CPHXL2: variants seen among roughly 807,000 people sequenced by gnomAD.
The protein encoded by CPHXL2 is cytoplasmic polyadenylated homeobox-like protein 2.
the CPHXL2 span, chr16:75,669,668 C>G: frequency 7.6e-6 from 3 of 396,048 alleles, no homozygotes; most frequent in Non-Finnish European, 1.3e-5. Context: ...GAAATCCAGG[C>G]GTGACCTCAT....
At chr16:75,675,706 T>C in the CPHXL2 span, among the ~76,000 whole-genome samples, 1 of 152,136 alleles carries the variant, frequency 6.6e-6, no homozygotes, top group Admixed American at 6.6e-5. Flanking sequence ...GTTTTTATGG[T>C]TGGGCCATTG....
chr16:75,662,403 T>C, the CPHXL2 span, among the ~76,000 whole-genome samples: 1 of 150,400 alleles, frequency 6.6e-6, no homozygotes, highest in East Asian at 2.0e-4. Flanking sequence ...CGACTGCTGG[T>C]GATCAACTTA....
chr16:75,663,828 GT>G, the CPHXL2 span, among the ~76,000 whole-genome samples: 2 of 147,556 alleles, frequency 1.4e-5, no homozygotes, highest in African/African-American at 2.6e-5. Flanking sequence ...GGAGCTTACA[GT>G]GAGCTGAGAT....
At chr16:75,661,139 G>A in the CPHXL2 span, 4 of 400,830 alleles carry the variant, frequency 1.0e-5, no homozygotes, top group East Asian at 1.4e-4. Flanking sequence ...GGGTTTCCTG[G>A]AGGCTTAAAA....
chr16:75,668,879 C>T, the CPHXL2 span, among the ~76,000 whole-genome samples: 6 of 151,992 alleles, frequency 3.9e-5, no homozygotes, highest in South Asian at 2.1e-4. Flanking sequence ...TAGTTAAATC[C>T]GTGCATGTGG....
the CPHXL2 span, among the ~76,000 whole-genome samples, chr16:75,673,615 T>C: frequency 6.6e-6 from 1 of 152,238 alleles, no homozygotes; most frequent in South Asian, 2.1e-4. Flanking sequence ...ATAATACCAA[T>C]TCCTATTAAA....
chr16:75,671,959 C>T, the CPHXL2 span, among the ~76,000 whole-genome samples: 3 of 152,002 alleles, frequency 2.0e-5, no homozygotes, highest in South Asian at 6.2e-4. Context: ...GCCATGCTGT[C>T]ACCTGGGACA....
At chr16:75,670,789 G>A in the CPHXL2 span, among the ~76,000 whole-genome samples, 2 of 152,104 alleles carry the variant, frequency 1.3e-5, no homozygotes, top group Admixed American at 1.3e-4. Context: ...GAGCCACCAC[G>A]CCAGGCGTAA....
the CPHXL2 span, among the ~76,000 whole-genome samples, chr16:75,664,684 C>G: frequency 6.6e-6 from 1 of 151,192 alleles, no homozygotes; most frequent in African/African-American, 2.4e-5. Context: ...TCTTAATCTT[C>G]AACATGGCAG....
At chr16:75,672,532 C>T in the CPHXL2 span, among the ~76,000 whole-genome samples, 1 of 152,096 alleles carries the variant, frequency 6.6e-6, no homozygotes, top group African/African-American at 2.4e-5. Flanking sequence ...ACTCTGTCCA[C>T]CCAAGCTGTA....
chr16:75,666,214 G>C, the CPHXL2 span, among the ~76,000 whole-genome samples: 7 of 152,276 alleles, frequency 4.6e-5, no homozygotes, highest in East Asian at 5.8e-4. Flanking sequence ...AAAAGGCCTT[G>C]TACAACAGGA....
chr16:75,668,098 G>T, the CPHXL2 span, among the ~76,000 whole-genome samples: 5 of 151,960 alleles, frequency 3.3e-5, no homozygotes, highest in Admixed American at 2.0e-4. Context: ...TTGCCTCACT[G>T]CAGTCTAGTT....
the CPHXL2 span, among the ~76,000 whole-genome samples, chr16:75,667,460 A>T: frequency 6.6e-6 from 1 of 152,310 alleles, no homozygotes; most frequent in East Asian, 1.9e-4. Context: ...CAACCAATAA[A>T]TCTGCACTAT....
At chr16:75,665,684 G>A in the CPHXL2 span, among the ~76,000 whole-genome samples, 7 of 152,136 alleles carry the variant, frequency 4.6e-5, no homozygotes, top group African/African-American at 1.4e-4. Flanking sequence ...CCAACATGGC[G>A]AAACCCCAAT....
chr16:75,666,122 G>T, the CPHXL2 span, among the ~76,000 whole-genome samples: 1 of 152,110 alleles, frequency 6.6e-6, no homozygotes, highest in Non-Finnish European at 1.5e-5. Flanking sequence ...AAAGCAAGCA[G>T]GAGTAGCTAT....
At chr16:75,674,163 G>A in the CPHXL2 span, among the ~76,000 whole-genome samples, 1 of 151,490 alleles carries the variant, frequency 6.6e-6, no homozygotes, top group Admixed American at 6.6e-5. Context: ...CAAGAGGTCA[G>A]GAGATTGAGA....
the CPHXL2 span, among the ~76,000 whole-genome samples, chr16:75,670,223 C>G: frequency 3.9e-5 from 6 of 152,040 alleles, no homozygotes; most frequent in Non-Finnish European, 7.4e-5. Context: ...GAGAATTTAT[C>G]TTTAAAATTA....
chr16:75,665,944 T>G, the CPHXL2 span, among the ~76,000 whole-genome samples: 1 of 152,124 alleles, frequency 6.6e-6, no homozygotes, highest in Admixed American at 6.6e-5. Flanking sequence ...ATACTAACAT[T>G]GAATGTAAAT....
At chr16:75,665,254 A>C in the CPHXL2 span, among the ~76,000 whole-genome samples, 1 of 152,244 alleles carries the variant, frequency 6.6e-6, no homozygotes, top group Non-Finnish European at 1.5e-5. Context: ...GAAAACCTAT[A>C]AAGGAAAACC....
Sources: allele counts gnomAD v4.1 joint callset (sites outside exome capture counted in the v4.1 genomes callset), GRCh38; gene constraint gnomAD v4.1.1; transcripts MANE v1.5; gene names NCBI Gene and HGNC (gene_info 2026-07-23, HGNC 2026-07-21).